EML5: variants seen among roughly 807,000 people sequenced by gnomAD.
The protein encoded by EML5 is EMAP like 5, also known as echinoderm microtubule-associated protein-like 5.
EML5 carries 120 observed loss-of-function variants against 250.0 expected under a neutral mutation model. The ratio of observed to expected loss-of-function variants is 0.48; its 90% CI spans 0.41 to 0.56. EML5 has a LOEUF of 0.56. EML5 is among the 20% of genes least tolerant of loss of function. The pLI is 0.00. For synonymous variants in EML5, 771 were observed against 806.5 expected, an observed-to-expected ratio of 0.96 and a Z score of 0.75; for missense variants, 2,006 against 2,437.6, an observed-to-expected ratio of 0.82 and a Z score of 3.73.
intron 17 of EML5, among the ~76,000 whole-genome samples, chr14:88,689,162 T>C (rs1351240626): frequency 6.6e-6 from 1 of 152,228 alleles, no homozygotes; most frequent in Non-Finnish European, 1.5e-5. Context: ...GTTTTTGCTA[T>C]TAAAAGCAAT....
intron 21 of EML5, among the ~76,000 whole-genome samples, chr14:88,679,313 T>A (rs2092667092): frequency 6.6e-6 from 1 of 152,000 alleles, no homozygotes; most frequent in Non-Finnish European, 1.5e-5. Flanking sequence ...TAATGAATTA[T>A]AATTTCCTTC....
At position 88,688,467 on chromosome 14, in the gene EML5, C is replaced by G; in HGVS notation, c.2546G>C (p.Gly849Ala). The G allele has an allele frequency of 6.2e-7, 1 of 1,613,728 alleles. No homozygotes were observed. Among genetic ancestry groups the G allele is most frequent in the Non-Finnish European group, 8.5e-7 (1 of 1,179,852 alleles). The change falls in exon 18 of 44, where the codon GGA (glycine) becomes GCA (alanine). Residue 849 changes from glycine (G) to alanine (A), a missense_variant. This residue lies in a region of EML5 where 1,375 missense variants were observed against 1,590.3 expected (regional missense o/e 0.86). Transcript: ENST00000554922. ...HMKFWRKAGG[G>A]LIGRKGYIGT... Reference sequence around the variant, plus strand: ...TATGTAGCCTTTTCTTCCAATCAATCCTCCCCCTAGTTCACAAAAAATATT... The same window carrying G: ...TATGTAGCCTTTTCTTCCAATCAATGCTCCCCCTAGTTCACAAAAAATATT...
intron 1 of EML5, among the ~76,000 whole-genome samples, chr14:88,770,631 T>C (rs971196265): frequency 6.6e-6 from 1 of 152,182 alleles, no homozygotes; most frequent in Admixed American, 6.5e-5. Flanking sequence ...TCTCTTCCGA[T>C]TGGTCCAATT....
intron 29 of EML5, among the ~76,000 whole-genome samples, chr14:88,645,163 C>A (rs576734834): frequency 6.6e-6 from 1 of 151,860 alleles, no homozygotes; most frequent in Admixed American, 6.6e-5. Flanking sequence ...GTAACTGGAA[C>A]AACAAGCGTG....
In EML5 at chr14:88,615,567, G is replaced by T; in HGVS notation, c.*251C>A. 4.7e-6 allele frequency: 2 copies of T among 429,986 alleles called. No homozygotes were observed. The highest frequency in any genetic ancestry group is 8.2e-6 in the Non-Finnish European group (2 of 244,070). 26.6% of individuals were successfully genotyped at this position (429,986 alleles called of 1,614,324 possible). ...CACACTTCCCAATACAGGGGGACTT[G>T]GCCTTTACCATCAAGTATTCGATCC... On this transcript the variant is annotated 3_prime_UTR_variant, in exon 44 of 44. Coordinates refer to ENST00000554922, the MANE Select transcript of EML5 (RefSeq NM_183387.3).
chr14:88,657,407 A>C lies in EML5; in HGVS notation c.3973T>G (p.Leu1325Val). 6.3e-7 allele frequency: 1 copy of C among 1,588,882 alleles called. No individual in the cohort carries two copies. The highest frequency in any genetic ancestry group is 8.6e-7 in the Non-Finnish European group (1 of 1,165,398). ...IRPMLGIKPH[L>V]QQKEPSIDER... ...TCAATTGAGGGTTCTTTTTGTTGTA[A>C]ATGAGGCTTGATTCCTAACATTGGG... Residue 1325 changes from leucine to valine, a missense_variant, in exon 27 of 44, where the codon TTA becomes GTA. Physicochemically the swap from Leu to Val is conservative, Grantham distance 32. Around this residue, in one of 7 missense-constraint regions of EML5, gnomAD observed 1,375 missense variants for 1,590.3 expected, o/e 0.86. Transcript: ENST00000554922.
rs182207349 is a variant in EML5, at chr14:88,683,907, A to G, written c.2982+1108T>C. 5.8e-3 allele frequency among the ~76,000 whole-genome samples: 883 copies of G among 152,250 alleles called. 6 individuals are homozygous for G. The highest frequency in any genetic ancestry group is 7.7e-3 in the Non-Finnish European group (522 of 68,012). The stretch of plus-strand genomic sequence containing the variant: ...CTCTAAGATCAGGAACAAGACAAGG[A>G]TGTTCTGTTCTCACCACTTACATTT... On this transcript the variant is annotated intron_variant, in intron 20 of 43. Transcript: ENST00000554922.
At chr14:88,650,288 A>C (rs2091558127) in intron 27 of EML5, among the ~76,000 whole-genome samples, 1 of 152,108 alleles carries the variant, frequency 6.6e-6, no homozygotes, top group African/African-American at 2.4e-5. Context: ...CCCCGTCTCT[A>C]CTAAAAATAA....
At chr14:88,774,672 C>A (rs956373511) in intron 1 of EML5, among the ~76,000 whole-genome samples, 1 of 152,138 alleles carries the variant, frequency 6.6e-6, no homozygotes, top group African/African-American at 2.4e-5. Flanking sequence ...GTTTCTCTGG[C>A]CACATTTTTG....
chr14:88,704,261 C>A (rs747043718), intron 13 of EML5, among the ~76,000 whole-genome samples: 2 of 152,096 alleles, frequency 1.3e-5, no homozygotes, highest in Admixed American at 6.6e-5. Flanking sequence ...CCTTTCGATC[C>A]CTTTTTCCTT....
At chr14:88,644,551 C>T in intron 29 of EML5, 40 bp from the exon 30 acceptor site, 1 of 1,589,024 alleles carries the variant, frequency 6.3e-7, no homozygotes, top group Non-Finnish European at 8.6e-7. Flanking sequence ...GCATGCAGCA[C>T]TCAGTGCCTT....
At chr14:88,636,864 T>C (rs2140538204) in intron 32 of EML5, among the ~76,000 whole-genome samples, 1 of 152,266 alleles carries the variant, frequency 6.6e-6, no homozygotes, top group Non-Finnish European at 1.5e-5. Context: ...CAGGGAAACG[T>C]TTACTTCATT....
intron 33 of EML5, among the ~76,000 whole-genome samples, chr14:88,632,468 C>A (rs1439354225): frequency 6.6e-6 from 1 of 152,206 alleles, no homozygotes; most frequent in Non-Finnish European, 1.5e-5. Flanking sequence ...TCTCCCTGAG[C>A]TACAGCATCC....
chr14:88,741,870 G>A (rs1452687289), intron 4 of EML5, among the ~76,000 whole-genome samples: 1 of 152,042 alleles, frequency 6.6e-6, no homozygotes, highest in East Asian at 1.9e-4. Flanking sequence ...TTTAAAATTT[G>A]AAGCCTCAAA....
chr14:88,637,601 T>C (rs1435941601), intron 32 of EML5, among the ~76,000 whole-genome samples: 2 of 152,182 alleles, frequency 1.3e-5, no homozygotes, highest in East Asian at 3.8e-4. Context: ...AAGTAGCCCA[T>C]ATCCCCAGCA....
chr14:88,695,659 C>G (rs1385771758), intron 15 of EML5, among the ~76,000 whole-genome samples: 1 of 152,022 alleles, frequency 6.6e-6, no homozygotes, highest in Non-Finnish European at 1.5e-5. Flanking sequence ...TGTATCTGCT[C>G]TCATCGCACC....
chr14:88,673,648 G>A (rs1266355805), intron 21 of EML5, among the ~76,000 whole-genome samples: 2 of 152,288 alleles, frequency 1.3e-5, no homozygotes, highest in East Asian at 3.9e-4. Flanking sequence ...CAGCCCAAAA[G>A]CTTCTTAAGC....
intron 21 of EML5, among the ~76,000 whole-genome samples, chr14:88,680,886 C>T (rs1054816158): frequency 6.6e-6 from 1 of 151,690 alleles, no homozygotes; most frequent in African/African-American, 2.4e-5. Flanking sequence ...AGAAGATGGA[C>T]CACTAGGAGG....
chr14:88,686,064 G>T (rs2092825417), intron 19 of EML5, among the ~76,000 whole-genome samples: 1 of 152,070 alleles, frequency 6.6e-6, no homozygotes, highest in African/African-American at 2.4e-5. Flanking sequence ...TGTGTTAGGG[G>T]CATATTGAAA....
Sources: allele counts gnomAD v4.1 joint callset (sites outside exome capture counted in the v4.1 genomes callset), GRCh38; gene constraint gnomAD v4.1.1; regional missense constraint gnomAD v4.1.1; transcripts MANE v1.5; gene names NCBI Gene and HGNC (gene_info 2026-07-23, HGNC 2026-07-21).